Variants in SHISAL1 observed in about 807,000 individuals in gnomAD.
The protein encoded by SHISAL1 is shisa like 1.
A neutral mutation model predicts 22.6 loss-of-function variants in SHISAL1; 9 were observed. The ratio of observed to expected loss-of-function variants is 0.40; its 90% CI spans 0.24 to 0.70. SHISAL1 has a LOEUF of 0.70. Among genes scored for constraint, SHISAL1 ranks in the 30% least tolerant of loss-of-function variants. SHISAL1 has a pLI of 0.39. For synonymous variants in SHISAL1, 119 were observed against 115.4 expected, an observed-to-expected ratio of 1.03 and a Z score of -0.20; for missense variants, 246 against 270.6, an observed-to-expected ratio of 0.91 and a Z score of 0.64.
At chr22:44,318,672 G>A in the SHISAL1 span, among the ~76,000 whole-genome samples, 1 of 152,266 alleles carries the variant, frequency 6.6e-6, no homozygotes, top group Non-Finnish European at 1.5e-5. Context: ...CACGCTAGGT[G>A]GTTAGGAGGG....
rs1052172619 is a variant in SHISAL1 at position 44,250,844 on chromosome 22, A to C, written c.*-1159T>G. ...AATTGCATCTGGTGAGTGTTCTTAA[A>C]TGATAAACCATCTTCAACTAAATGG... On this transcript the variant is annotated intron_variant, in intron 4 of 4. Coordinates refer to ENST00000381176, the MANE Select transcript of SHISAL1 (RefSeq NM_001099294.2). 7.2e-5 allele frequency among the ~76,000 whole-genome samples: 11 copies of C among 152,334 alleles called. 1 individual carries two copies. The highest frequency in any genetic ancestry group is 4.6e-4 in the Admixed American group (7 of 15,304).
At chr22:44,261,587 C>T (rs2055124718) in intron 4 of SHISAL1, among the ~76,000 whole-genome samples, 1 of 152,254 alleles carries the variant, frequency 6.6e-6, no homozygotes. Flanking sequence ...GCCATCCTCA[C>T]TGCTGCCCAG....
chr22:44,308,109 T>A (rs992784028), intron 1 of SHISAL1, among the ~76,000 whole-genome samples: 5 of 152,170 alleles, frequency 3.3e-5, no homozygotes, highest in African/African-American at 1.2e-4. Context: ...CCACCTTCTG[T>A]AACCACATCC....
chr22:44,250,166 A>G (rs2055037597), intron 4 of SHISAL1, among the ~76,000 whole-genome samples: 1 of 152,188 alleles, frequency 6.6e-6, no homozygotes, highest in East Asian at 1.9e-4. Context: ...TTCTGACATA[A>G]TTTTTAATGT....
intron 3 of SHISAL1, among the ~76,000 whole-genome samples, chr22:44,290,435 A>G (rs1231980567): frequency 6.7e-6 from 1 of 149,840 alleles, no homozygotes; most frequent in Admixed American, 6.7e-5. Flanking sequence ...AGGCTGAGGC[A>G]GGGGAATTGC....
intron 4 of SHISAL1, among the ~76,000 whole-genome samples, chr22:44,260,984 G>T (rs1194118018): frequency 6.6e-6 from 1 of 151,442 alleles, no homozygotes; most frequent in African/African-American, 2.4e-5. Flanking sequence ...GGGAGGGAAG[G>T]GGTGCCACTG....
At chr22:44,251,234 A>T (rs1382344299) in intron 4 of SHISAL1, among the ~76,000 whole-genome samples, 1 of 152,244 alleles carries the variant, frequency 6.6e-6, no homozygotes, top group African/African-American at 2.4e-5. Context: ...AGTAACTGGC[A>T]TACTGTAGGG....
intron 4 of SHISAL1, among the ~76,000 whole-genome samples, chr22:44,273,955 C>G (rs926077913): frequency 1.4e-4 from 21 of 152,232 alleles, no homozygotes; most frequent in African/African-American, 4.8e-4. Context: ...CGGTGGCTCA[C>G]GCCTGTAGTT....
intron 3 of SHISAL1, among the ~76,000 whole-genome samples, chr22:44,293,904 C>T (rs1412101211): frequency 2.0e-5 from 3 of 152,254 alleles, no homozygotes; most frequent in Admixed American, 6.5e-5. Context: ...TCTTCATCAG[C>T]AGCCGCCAGG....
chr22:44,302,707 G>A (rs1169020535), intron 1 of SHISAL1, among the ~76,000 whole-genome samples: 27 of 38,058 alleles, frequency 7.1e-4, no homozygotes, highest in Middle Eastern at 0.01. Context: ...AGGGGCAAAG[G>A]CCCTGGGGTG....
In SHISAL1 at chr22:44,254,074, G is replaced by C. The variant is rs1333384989; in HGVS notation, c.*-4389C>G. ...TAAACACTTAGATAACCTTGAGTTA[G>C]AGCAAAAAATAAAAACTGCAGAATA... is the stretch of plus-strand genomic sequence containing the variant. On this transcript the variant is annotated intron_variant, in intron 4 of 4. Transcript: ENST00000381176. Among the ~76,000 whole-genome samples the C allele has an allele frequency of 2.6e-5, 4 of 151,872 alleles. No individual in the cohort carries two copies. The East Asian group carries it at 5.8e-4, about 22-fold the overall frequency.
chr22:44,299,156 T>C (rs115445622), intron 2 of SHISAL1, among the ~76,000 whole-genome samples: 8,171 of 152,116 alleles, frequency 0.054, 505 homozygotes, highest in East Asian at 0.21. Flanking sequence ...TAAAGGGCAG[T>C]AAAGGGCAGC....
At chr22:44,267,785 G>A (rs186983120) in intron 4 of SHISAL1, among the ~76,000 whole-genome samples, 13 of 152,288 alleles carry the variant, frequency 8.5e-5, no homozygotes, top group East Asian at 1.9e-4. Context: ...TCCAGTGCCC[G>A]GACCACTCCC....
chr22:44,288,672 C>G (rs971683556), intron 3 of SHISAL1, among the ~76,000 whole-genome samples: 1 of 152,048 alleles, frequency 6.6e-6, no homozygotes, highest in Non-Finnish European at 1.5e-5. Context: ...AAAAGAAATG[C>G]TGCTCCAGCC....
At chr22:44,301,068 G>A in intron 1 of SHISAL1, 91 bp from the exon 2 acceptor site, 1 of 811,086 alleles carries the variant, frequency 1.2e-6, no homozygotes, top group Non-Finnish European at 2.0e-6. Flanking sequence ...CAGGCGGGCA[G>A]CGGGCAGGAG....
intron 1 of SHISAL1, among the ~76,000 whole-genome samples, chr22:44,302,117 G>A (rs2055434089): frequency 6.6e-6 from 1 of 152,150 alleles, no homozygotes; most frequent in South Asian, 2.1e-4. Context: ...GAGGCTGGCG[G>A]ATCACCTGAG....
intron 4 of SHISAL1, among the ~76,000 whole-genome samples, chr22:44,282,655 T>C (rs1289882299): frequency 6.6e-6 from 1 of 152,122 alleles, no homozygotes; most frequent in Non-Finnish European, 1.5e-5. Flanking sequence ...GCTGGGCTCA[T>C]AGGAGACTTC....
upstream of SHISAL1, among the ~76,000 whole-genome samples, chr22:44,314,279 A>G (rs543827077): frequency 4.9e-4 from 75 of 152,240 alleles, no homozygotes; most frequent in African/African-American, 1.7e-3. Flanking sequence ...TCTGGGGCTC[A>G]GCATAGCAGC....
intron 4 of SHISAL1, among the ~76,000 whole-genome samples, chr22:44,261,077 TTA>T (rs56290835): frequency 2.6e-4 from 28 of 108,676 alleles, no homozygotes; most frequent in Admixed American, 3.5e-4. Context: ...CTTCATTACT[TTA>T]TATATATATA....
Sources: allele counts gnomAD v4.1 joint callset (sites outside exome capture counted in the v4.1 genomes callset), GRCh38; gene constraint gnomAD v4.1.1; transcripts MANE v1.5; gene names NCBI Gene and HGNC (gene_info 2026-07-23, HGNC 2026-07-21).